The following NDRG3 variants were observed in gnomAD, a reference collection of about 807,000 sequenced individuals.
NDRG3 encodes protein NDRG3.
NDRG3 carries 23 observed loss-of-function variants against 57.2 expected under a neutral mutation model. That is an observed-to-expected ratio of 0.40 (90% CI 0.29 to 0.57). NDRG3 has a LOEUF of 0.57. Among genes scored for constraint, NDRG3 ranks in the 20% least tolerant of loss-of-function variants. NDRG3 has a pLI of 0.42. For missense variants in NDRG3, 384 were observed against 457.3 expected (o/e 0.84, Z 1.46); for synonymous variants, 132 against 162.6 (o/e 0.81, Z 1.43).
At chr20:36,657,227 C>T (rs1431391517) in intron 13 of NDRG3, among the ~76,000 whole-genome samples, 1 of 152,102 alleles carries the variant, frequency 6.6e-6, no homozygotes. Flanking sequence ...TGGCTCACAC[C>T]TGTAATCCCA....
chr20:36,713,119 A>G (rs533000771), intron 2 of NDRG3, among the ~76,000 whole-genome samples: 1 of 152,320 alleles, frequency 6.6e-6, no homozygotes, highest in South Asian at 2.1e-4. Flanking sequence ...TGAAGATGCC[A>G]TTAATTCCAT....
rs1428018613 is a variant in NDRG3, at chr20:36,660,560, A to AT, written c.811-177dup. Among the ~76,000 whole-genome samples the AT allele has an allele frequency of 3.1e-3, 461 of 149,946 alleles. 5 individuals carry two copies. The highest frequency in any genetic ancestry group is 9.5e-3 in the African/African-American group (383 of 40,224). On this transcript the variant is annotated intron_variant, in intron 12 of 15. Transcript: ENST00000349004. The stretch of plus-strand genomic sequence containing the variant: ...GATATATTTATTTATTTATTTATTT[A>AT]TTTATTTATTTTTTTTTTGAGACGG...
At chr20:36,687,948 C>T (rs983552288) in intron 4 of NDRG3, among the ~76,000 whole-genome samples, 1 of 152,206 alleles carries the variant, frequency 6.6e-6, no homozygotes, top group African/African-American at 2.4e-5. Flanking sequence ...CTCTATCTCA[C>T]AAACAGACAC....
At position 36,656,299 on chromosome 20, in the gene NDRG3, T is replaced by C. The variant is rs1204700485; in HGVS notation, c.946+61A>G. The C allele has an allele frequency of 2.6e-6, 4 of 1,540,632 alleles. No homozygotes were observed. In the African/African-American group the frequency reaches 5.5e-5, roughly 21 times the overall value. On this transcript the variant is annotated intron_variant, in intron 15 of 15. Coordinates refer to ENST00000349004, the MANE Select transcript of NDRG3 (RefSeq NM_032013.4). ...ATCTCAAGAATTGTGGGCTCCCAGA[T>C]GTGAAACTGGCTCCCAATATTCCTA...
chr20:36,716,272 C>A (rs1402888844), intron 2 of NDRG3, among the ~76,000 whole-genome samples: 2 of 152,038 alleles, frequency 1.3e-5, no homozygotes, highest in African/African-American at 4.8e-5. Context: ...GTGGCTCATG[C>A]CTGTAATCCC....
intron 1 of NDRG3, among the ~76,000 whole-genome samples, chr20:36,734,620 G>A (rs1985514966): frequency 6.6e-6 from 1 of 152,060 alleles, no homozygotes; most frequent in African/African-American, 2.4e-5. Context: ...CTTATGAACT[G>A]GACAAACTCA....
chr20:36,679,536 T>C (rs1981060935), intron 8 of NDRG3, among the ~76,000 whole-genome samples: 1 of 151,256 alleles, frequency 6.6e-6, no homozygotes, highest in South Asian at 2.1e-4. Context: ...AGAGTTTCAC[T>C]CTTGTCACCC....
At chr20:36,697,895 T>C (rs1466158766) in intron 3 of NDRG3, among the ~76,000 whole-genome samples, 1 of 152,020 alleles carries the variant, frequency 6.6e-6, no homozygotes, top group Non-Finnish European at 1.5e-5. Context: ...TATACAATCA[T>C]GACATACCTT....
intron 8 of NDRG3, among the ~76,000 whole-genome samples, chr20:36,676,727 T>C (rs893095185): frequency 6.6e-6 from 1 of 152,260 alleles, no homozygotes; most frequent in African/African-American, 2.4e-5. Context: ...CCTCCCAAAG[T>C]GCTGGGATAA....
At chr20:36,685,494 A>G (rs541812972) in intron 5 of NDRG3, among the ~76,000 whole-genome samples, 7 of 152,156 alleles carry the variant, frequency 4.6e-5, no homozygotes, top group Admixed American at 4.6e-4. Flanking sequence ...AATTTTTTGT[A>G]GAGATGGAGT....
intron 1 of NDRG3, among the ~76,000 whole-genome samples, chr20:36,745,526 T>C (rs747268265): frequency 2.0e-5 from 3 of 152,084 alleles, no homozygotes; most frequent in Admixed American, 6.5e-5. Context: ...TCCTCGGCTG[T>C]TAAGTGGGGC....
chr20:36,669,267 C>T (rs994741380), intron 9 of NDRG3, among the ~76,000 whole-genome samples: 20 of 149,640 alleles, frequency 1.3e-4, no homozygotes, highest in Non-Finnish European at 2.4e-4. Flanking sequence ...CTTGCTCTGT[C>T]GCCCAGAGCT....
chr20:36,662,384 G>A (rs533401361), intron 12 of NDRG3, among the ~76,000 whole-genome samples: 3 of 151,972 alleles, frequency 2.0e-5, no homozygotes, highest in Non-Finnish European at 4.4e-5. Context: ...CACCCAGCTC[G>A]TTTTTGTATT....
rs1978380410 is a variant in NDRG3 at position 36,653,468 on chromosome 20, G to A, written c.*52C>T. The stretch of plus-strand genomic sequence containing the variant: ...TTACTGGATGAAATGTTATATTATG[G>A]AGTGGTCATTTGAAGGATGGACTTG... On this transcript the variant is annotated 3_prime_UTR_variant, in exon 16 of 16. Transcript: ENST00000349004. The surrounding 1 kb of genome is among the most constrained non-coding windows in gnomAD (Gnocchi z 4.2). 2.6e-6 allele frequency: 4 copies of A among 1,517,736 alleles called. No individual in the cohort carries two copies. The highest frequency in any genetic ancestry group is 2.7e-6 in the Non-Finnish European group (3 of 1,102,042). 94.0% of individuals were successfully genotyped at this position (1,517,736 alleles called of 1,614,324 possible). A position where few individuals can be genotyped will look rare whatever the true frequency, so the allele number is the denominator to read the frequency against.
intron 13 of NDRG3, among the ~76,000 whole-genome samples, chr20:36,657,211 G>A (rs759788362): frequency 2.6e-5 from 4 of 152,148 alleles, no homozygotes; most frequent in Admixed American, 6.5e-5. Context: ...TTCTGGCCGC[G>A]CGCAGTGGCT....
intron 2 of NDRG3, among the ~76,000 whole-genome samples, chr20:36,717,663 G>A (rs1984353475): frequency 6.6e-6 from 1 of 152,196 alleles, no homozygotes; most frequent in Non-Finnish European, 1.5e-5. Context: ...GAGAGAGAAT[G>A]TATGTAAAGC....
At chr20:36,682,789 C>T (rs1169712273) in intron 6 of NDRG3, among the ~76,000 whole-genome samples, 2 of 152,194 alleles carry the variant, frequency 1.3e-5, no homozygotes, top group Non-Finnish European at 2.9e-5. Context: ...CAGTGGCTTA[C>T]GCCTGTAATC....
chr20:36,697,012 T>C (rs1982849011), intron 3 of NDRG3, among the ~76,000 whole-genome samples: 1 of 152,158 alleles, frequency 6.6e-6, no homozygotes, highest in African/African-American at 2.4e-5. Flanking sequence ...ACACCTTCAG[T>C]ATTTAACTCA....
chr20:36,704,934 A>G (rs1238072028), intron 3 of NDRG3, among the ~76,000 whole-genome samples: 1 of 152,190 alleles, frequency 6.6e-6, no homozygotes, highest in Non-Finnish European at 1.5e-5. Flanking sequence ...TGGGCAACGG[A>G]TTCAGGAAGA....
Sources: gnomAD v4.1 joint callset for allele counts (sites outside exome capture counted in the v4.1 genomes callset) on GRCh38, gnomAD v4.1.1 for gene constraint, Gnocchi (gnomAD v3.1) non-coding constraint, MANE v1.5 for transcripts, NCBI Gene and HGNC (gene_info 2026-07-23, HGNC 2026-07-21) for gene names.